The following PAPPA2 variants were observed in gnomAD, a reference collection of about 807,000 sequenced individuals.
The protein encoded by PAPPA2 is pappalysin-2.
A neutral mutation model predicts 176.4 loss-of-function variants in PAPPA2; 86 were observed. That is an observed-to-expected ratio of 0.49 (90% CI 0.41 to 0.58). The LOEUF (loss-of-function observed/expected upper bound fraction) is 0.58. Ranked by LOEUF, PAPPA2 falls within the 20% of genes least tolerant of loss-of-function variation. PAPPA2 has a pLI of 0.00. For missense variants in PAPPA2, 2,073 were observed against 2,256.9 expected, an observed-to-expected ratio of 0.92 and a Z score of 1.65; for synonymous variants, 809 against 852.2, an observed-to-expected ratio of 0.95 and a Z score of 0.88.
intron 14 of PAPPA2, among the ~76,000 whole-genome samples, chr1:176,760,408 C>T (rs1251330812): frequency 1.3e-5 from 2 of 152,186 alleles, no homozygotes; most frequent in Non-Finnish European, 2.9e-5. Context: ...TTTCAGGTTA[C>T]ATATATCTAG....
intron 1 of PAPPA2, among the ~76,000 whole-genome samples, chr1:176,503,287 A>C (rs1648069489): frequency 6.6e-6 from 1 of 152,122 alleles, no homozygotes; most frequent in African/African-American, 2.4e-5. Context: ...TCTGCCACTC[A>C]CTTCCACTTT....
intron 1 of PAPPA2, among the ~76,000 whole-genome samples, chr1:176,549,177 A>G (rs1650801991): frequency 6.6e-6 from 1 of 152,242 alleles, no homozygotes; most frequent in African/African-American, 2.4e-5. Context: ...CTACAGATGC[A>G]TAGGACATCT....
chr1:176,778,864 A>G lies in PAPPA2; in HGVS notation c.4715+7684A>G, dbSNP rs187080097. Among the ~76,000 whole-genome samples the G allele has an allele frequency of 2.3e-3, 354 of 152,260 alleles. 1 individual carries two copies. Among genetic ancestry groups the G allele is most frequent in the Non-Finnish European group, 3.9e-3 (264 of 68,008 alleles). ...TCAAAATTTATCCTTGAAATCCTCA[A>G]ATATCTTGCCATTGTAGGATAATGT... On this transcript the variant is annotated intron_variant, in intron 17 of 22. Transcript: ENST00000367662.
chr1:176,564,387 G>A (rs1294447845), intron 2 of PAPPA2, among the ~76,000 whole-genome samples: 1 of 152,214 alleles, frequency 6.6e-6, no homozygotes, highest in African/African-American at 2.4e-5. Context: ...CAACTCTGTT[G>A]TTAGAATGTG....
intron 4 of PAPPA2, among the ~76,000 whole-genome samples, chr1:176,674,789 A>T (rs1182964519): frequency 2.0e-5 from 3 of 147,050 alleles, no homozygotes; most frequent in Non-Finnish European, 3.0e-5. Flanking sequence ...TTGGGTAGAT[A>T]CCCAGTAGTG....
chr1:176,789,664 A>G (rs1281839779), intron 17 of PAPPA2, 145 bp from the exon 18 acceptor site: 4 of 741,510 alleles, frequency 5.4e-6, no homozygotes, highest in East Asian at 2.8e-5. Context: ...TTTAGAAATT[A>G]GCCTAGGACA....
chr1:176,781,111 A>G (rs921005862), intron 17 of PAPPA2, among the ~76,000 whole-genome samples: 4 of 152,132 alleles, frequency 2.6e-5, no homozygotes, highest in Admixed American at 6.6e-5. Flanking sequence ...CGAGGAAAGG[A>G]GATGTAGATG....
chr1:176,763,335 T>C (rs928510164), intron 14 of PAPPA2, among the ~76,000 whole-genome samples: 1 of 152,188 alleles, frequency 6.6e-6, no homozygotes, highest in Non-Finnish European at 1.5e-5. Flanking sequence ...AAGAGCATGG[T>C]TCTTATACCA....
chr1:176,680,815 G>A (rs1030364844), intron 4 of PAPPA2, among the ~76,000 whole-genome samples: 3 of 152,144 alleles, frequency 2.0e-5, no homozygotes, highest in Non-Finnish European at 4.4e-5. Context: ...TGTGTCTGTG[G>A]ATGAATAGTA....
chr1:176,649,266 A>T (rs1002487440), intron 3 of PAPPA2, among the ~76,000 whole-genome samples: 6 of 151,418 alleles, frequency 4.0e-5, no homozygotes, highest in Non-Finnish European at 8.9e-5. Context: ...CTGAGGTCTC[A>T]GAAATACAGA....
chr1:176,742,344 G>C (rs947747224), intron 14 of PAPPA2, among the ~76,000 whole-genome samples: 7 of 152,088 alleles, frequency 4.6e-5, no homozygotes, highest in Admixed American at 4.6e-4. Flanking sequence ...CTAGACATGA[G>C]GAACAAGAAT....
intron 21 of PAPPA2, among the ~76,000 whole-genome samples, chr1:176,815,658 A>T (rs973611813): frequency 3.3e-5 from 5 of 152,112 alleles, no homozygotes; most frequent in Non-Finnish European, 5.9e-5. Context: ...ACATGTGCCC[A>T]CGGTAGTTGA....
At chr1:176,482,510 G>C (rs893647766) in intron 1 of PAPPA2, among the ~76,000 whole-genome samples, 1 of 152,114 alleles carries the variant, frequency 6.6e-6, no homozygotes, top group Non-Finnish European at 1.5e-5. Context: ...AAATTCCAAC[G>C]GGCATGAACA....
chr1:176,681,817 G>T (rs1659597844), intron 4 of PAPPA2, among the ~76,000 whole-genome samples: 1 of 152,150 alleles, frequency 6.6e-6, no homozygotes, highest in Non-Finnish European at 1.5e-5. Flanking sequence ...GAAGCAGAGG[G>T]AGCTTCCTTA....
intron 3 of PAPPA2, among the ~76,000 whole-genome samples, chr1:176,638,472 G>T (rs957420383): frequency 2.0e-5 from 3 of 152,018 alleles, no homozygotes; most frequent in African/African-American, 7.2e-5. Flanking sequence ...TTCATTGGCA[G>T]CCTCAGCAGA....
chr1:176,783,631 T>C (rs2102928611), intron 17 of PAPPA2, among the ~76,000 whole-genome samples: 1 of 152,166 alleles, frequency 6.6e-6, no homozygotes, highest in African/African-American at 2.4e-5. Context: ...ATACAAACCT[T>C]CCCCTAACCC....
intron 11 of PAPPA2, 66 bp downstream of exon 11, chr1:176,710,242 A>G (rs1661084829): frequency 7.2e-7 from 1 of 1,390,690 alleles, no homozygotes; most frequent in African/African-American, 1.4e-5. Context: ...CCCTATGCTT[A>G]CACTTGGGGT....
intron 3 of PAPPA2, among the ~76,000 whole-genome samples, chr1:176,637,151 G>A (rs1656744534): frequency 6.6e-6 from 1 of 151,950 alleles, no homozygotes; most frequent in South Asian, 2.1e-4. Context: ...GTGGAATTGG[G>A]GTAGATAGCA....
intron 2 of PAPPA2, among the ~76,000 whole-genome samples, chr1:176,571,969 A>G (rs1652369245): frequency 6.6e-6 from 1 of 152,174 alleles, no homozygotes; most frequent in Non-Finnish European, 1.5e-5. Flanking sequence ...CCTTCGAGAT[A>G]AACCTCGAGA....
Sources: gnomAD v4.1 joint callset for allele counts (sites outside exome capture counted in the v4.1 genomes callset) on GRCh38, gnomAD v4.1.1 for gene constraint, MANE v1.5 for transcripts, NCBI Gene and HGNC (gene_info 2026-07-23, HGNC 2026-07-21) for gene names.